Variants in SCD5 observed in about 807,000 individuals in gnomAD.
The protein encoded by SCD5 is stearoyl-CoA desaturase 5, also known as acyl-CoA-desaturase 4.
A neutral mutation model predicts 30.4 loss-of-function variants in SCD5; 20 were observed. The ratio of observed to expected loss-of-function variants is 0.66; its 90% CI spans 0.46 to 0.96. The LOEUF (loss-of-function observed/expected upper bound fraction) is 0.96. Ranked by LOEUF, SCD5 falls within the 40% of genes least tolerant of loss-of-function variation. The probability of loss-of-function intolerance (pLI) is 0.00; values close to 1 mark genes in which losing one functional copy is unlikely to be tolerated. For synonymous variants in SCD5, 173 were observed against 176.4 expected, an observed-to-expected ratio of 0.98 and a Z score of 0.16; for missense variants, 381 against 443.3, an observed-to-expected ratio of 0.86 and a Z score of 1.26.
chr4:82,649,449 T>C (rs1046980493), intron 3 of SCD5, among the ~76,000 whole-genome samples: 2 of 152,230 alleles, frequency 1.3e-5, no homozygotes, highest in Non-Finnish European at 2.9e-5. Context: ...AATATTTGGA[T>C]TGGCTAAAAA....
intron 1 of SCD5, among the ~76,000 whole-genome samples, chr4:82,743,492 T>C (rs1425622113): frequency 6.6e-6 from 1 of 152,104 alleles, no homozygotes; most frequent in Non-Finnish European, 1.5e-5. Flanking sequence ...CTTCAGCCTA[T>C]TAAAGTATAA....
rs549265537 is a variant in SCD5, at chr4:82,747,072, C to T, written c.233-41659G>A. On this transcript the variant is annotated intron_variant, in intron 1 of 4. Transcript: ENST00000319540. ...TAGAGAAAAGTCTGGGCAACCTGCC[C>T]CCCAAGAAAGACGACCTTCCCACTC... 1.0e-4 allele frequency among the ~76,000 whole-genome samples: 15 copies of T among 146,280 alleles called. No homozygotes were observed. In the East Asian group the frequency reaches 3.0e-3, roughly 29 times the overall value.
chr4:82,695,058 GCCA>G, intron 2 of SCD5, among the ~76,000 whole-genome samples: 1 of 132,552 alleles, frequency 7.5e-6, no homozygotes, highest in Admixed American at 7.2e-5. Context: ...AGTGGGGACA[GCCA>G]TGTGGAGCAC....
chr4:82,688,824 G>A (rs928885720), intron 2 of SCD5, among the ~76,000 whole-genome samples: 3 of 152,150 alleles, frequency 2.0e-5, no homozygotes, highest in Admixed American at 6.5e-5. Flanking sequence ...TTACTCTTTT[G>A]TTTAAATCTC....
At chr4:82,656,155 TG>T (rs1397397075) in intron 3 of SCD5, among the ~76,000 whole-genome samples, 9 of 152,276 alleles carry the variant, frequency 5.9e-5, no homozygotes, top group Non-Finnish European at 1.2e-4. Context: ...TGTACAGATT[TG>T]TTACATAGGT....
chr4:82,690,707 A>G (rs1205318335), intron 2 of SCD5, among the ~76,000 whole-genome samples: 1 of 152,190 alleles, frequency 6.6e-6, no homozygotes, highest in Non-Finnish European at 1.5e-5. Flanking sequence ...TATAAAATCT[A>G]AACTTTTCTT....
chr4:82,741,502 T>C (rs28707247), intron 1 of SCD5, among the ~76,000 whole-genome samples: 2,434 of 152,252 alleles, frequency 0.016, 65 homozygotes, highest in African/African-American at 0.052. Context: ...GGCAGCTGCA[T>C]GAGCCAGCCC....
At chr4:82,731,988 G>A (rs1720653739) in intron 1 of SCD5, among the ~76,000 whole-genome samples, 1 of 152,188 alleles carries the variant, frequency 6.6e-6, no homozygotes, top group African/African-American at 2.4e-5. Context: ...AACCATGAAT[G>A]TGACAATTAG....
intron 2 of SCD5, among the ~76,000 whole-genome samples, chr4:82,687,965 TTTAGC>T (rs1449780943): frequency 1.3e-5 from 2 of 152,330 alleles, no homozygotes; most frequent in East Asian, 3.9e-4. Flanking sequence ...GTAAACAGCA[TTTAGC>T]TTGTCCCATT....
At chr4:82,713,537 A>G (rs1257544420) in intron 1 of SCD5, among the ~76,000 whole-genome samples, 4 of 152,198 alleles carry the variant, frequency 2.6e-5, no homozygotes, top group African/African-American at 9.6e-5. Flanking sequence ...CTCTGTGTTA[A>G]CCAATACAGC....
chr4:82,699,570 GTTTTT>G (rs59887380), intron 2 of SCD5, among the ~76,000 whole-genome samples: 1 of 141,194 alleles, frequency 7.1e-6, no homozygotes, highest in African/African-American at 2.6e-5. Flanking sequence ...TTTGTTTTTT[GTTTTT>G]TTTTTTTTTT....
At chr4:82,750,980 A>G (rs570573579) in intron 1 of SCD5, among the ~76,000 whole-genome samples, 2 of 152,282 alleles carry the variant, frequency 1.3e-5, no homozygotes, top group African/African-American at 4.8e-5. Context: ...CCCTCCTCTC[A>G]CAGCACTTAC....
At chr4:82,649,913 T>A (rs7692000) in intron 3 of SCD5, among the ~76,000 whole-genome samples, 1 of 152,144 alleles carries the variant, frequency 6.6e-6, no homozygotes, top group Non-Finnish European at 1.5e-5. Flanking sequence ...CTGGCGTGAT[T>A]GTGCATGAAT....
Position 82,669,306 on chromosome 4 carries a change from T to TAAA in SCD5, c.569+11398_569+11400dup, listed in dbSNP as rs33968957. Among the ~76,000 whole-genome samples, 124 of 147,420 alleles carry TAAA rather than the reference T, an allele frequency of 8.4e-4. 1 individual carries two copies. Among genetic ancestry groups the TAAA allele is most frequent in the Non-Finnish European group, 9.5e-4 (64 of 67,034 alleles). ...TTAGACAGGCATGGCTACATAACGT[T>TAAA]AAAAAAAAAAAAAGGAAAGTATCAA... On this transcript the variant is annotated intron_variant, in intron 3 of 4. Coordinates refer to ENST00000319540, the MANE Select transcript of SCD5 (RefSeq NM_001037582.3).
At chr4:82,794,650 ATTT>A (rs200270294) in intron 1 of SCD5, among the ~76,000 whole-genome samples, 2 of 136,716 alleles carry the variant, frequency 1.5e-5, no homozygotes. Context: ...CATTCTGTCC[ATTT>A]TTTTTTTTTT....
intron 2 of SCD5, among the ~76,000 whole-genome samples, chr4:82,699,266 T>A (rs1463184404): frequency 6.6e-6 from 1 of 152,202 alleles, no homozygotes; most frequent in Admixed American, 6.5e-5. Flanking sequence ...ATGCTTACAT[T>A]TAAACCCCTC....
intron 1 of SCD5, among the ~76,000 whole-genome samples, chr4:82,776,574 T>C (rs1053718544): frequency 1.3e-5 from 2 of 152,122 alleles, no homozygotes; most frequent in Admixed American, 1.3e-4. Context: ...AGGATTCACA[T>C]GCAGATCCTC....
intron 1 of SCD5, among the ~76,000 whole-genome samples, chr4:82,754,732 G>A (rs977132791): frequency 6.6e-6 from 1 of 152,256 alleles, no homozygotes; most frequent in African/African-American, 2.4e-5. Flanking sequence ...TAGAAGAGTG[G>A]TTGCTGGAAA....
At chr4:82,631,559 T>C in intron 4 of SCD5, 42 bp from the exon 5 acceptor site, 1 of 1,592,134 alleles carries the variant, frequency 6.3e-7, no homozygotes, top group East Asian at 2.2e-5. Flanking sequence ...AATCACCACC[T>C]CTCTGCATAG....
Sources: allele counts gnomAD v4.1 joint callset (sites outside exome capture counted in the v4.1 genomes callset), GRCh38; gene constraint gnomAD v4.1.1; transcripts MANE v1.5; gene names NCBI Gene and HGNC (gene_info 2026-07-23, HGNC 2026-07-21).